The following KLF17 variants were observed in gnomAD, a reference collection of about 807,000 sequenced individuals.
KLF17 encodes the protein Krueppel-like factor 17.
In KLF17, 31 loss-of-function variants were observed where a neutral mutation model predicts 34.2. That is an observed-to-expected ratio of 0.91 (90% CI 0.68 to 1.22). The LOEUF is 1.22. Ranked by LOEUF, KLF17 falls within the 50% of genes most tolerant of loss-of-function variation. The pLI, the probability that KLF17 is intolerant of heterozygous loss-of-function variation, is 0.00. For synonymous variants in KLF17, 179 were observed against 186.7 expected, an observed-to-expected ratio of 0.96 and a Z score of 0.34; for missense variants, 478 against 505.2, an observed-to-expected ratio of 0.95 and a Z score of 0.52.
At chr1:44,098,266 G>C in the KLF17 span, among the ~76,000 whole-genome samples, 1 of 152,112 alleles carries the variant, frequency 6.6e-6, no homozygotes, top group African/African-American at 2.4e-5. Context: ...GCTCATAATA[G>C]TCTCTAATGA....
intron 3 of KLF17, among the ~76,000 whole-genome samples, chr1:44,132,119 A>G (rs927562875): frequency 2.6e-5 from 4 of 152,050 alleles, no homozygotes; most frequent in Non-Finnish European, 5.9e-5. Flanking sequence ...TAGCCTGGCT[A>G]ATATGGTGAA....
At chr1:44,064,114 C>G in the KLF17 span, among the ~76,000 whole-genome samples, 1 of 151,754 alleles carries the variant, frequency 6.6e-6, no homozygotes, top group Non-Finnish European at 1.5e-5. Flanking sequence ...GCACTTCAGC[C>G]AAATGAAAAA....
intron 1 of KLF17, among the ~76,000 whole-genome samples, chr1:44,121,626 A>C (rs945131571): frequency 6.6e-6 from 1 of 152,152 alleles, no homozygotes; most frequent in Non-Finnish European, 1.5e-5. Context: ...TGTCTTATAG[A>C]ATGTTCCTTT....
chr1:44,119,354 A>G (rs1198779119), intron 1 of KLF17, among the ~76,000 whole-genome samples: 1 of 151,254 alleles, frequency 6.6e-6, no homozygotes, highest in African/African-American at 2.4e-5. Context: ...GAGGGACTTG[A>G]GTAGGCAGGA....
At chr1:44,107,212 CT>C in the KLF17 span, 1 of 152,312 alleles carries the variant, frequency 6.6e-6, no homozygotes, top group African/African-American at 2.4e-5. Flanking sequence ...TCAAGCAATT[CT>C]CCTGCCTCAG....
the KLF17 span, chr1:44,103,790 A>C: frequency 1.1e-6 from 1 of 933,164 alleles, no homozygotes; most frequent in Non-Finnish European, 1.8e-6. Context: ...CCTCCAGGGA[A>C]GCCCTCTGGC....
At chr1:44,050,686 G>T in the KLF17 span, among the ~76,000 whole-genome samples, 2 of 152,138 alleles carry the variant, frequency 1.3e-5, no homozygotes, top group Non-Finnish European at 2.9e-5. Context: ...GGAAGCCAAG[G>T]TGGGCAGATC....
the KLF17 span, among the ~76,000 whole-genome samples, chr1:44,096,725 T>A: frequency 5.9e-5 from 9 of 152,102 alleles, no homozygotes; most frequent in South Asian, 2.1e-4. Context: ...AAAATTTTTT[T>A]AATTTTTAAA....
chr1:44,065,017 G>A, the KLF17 span, among the ~76,000 whole-genome samples: 2 of 152,182 alleles, frequency 1.3e-5, no homozygotes, highest in African/African-American at 4.8e-5. Context: ...GGCTGGGCGT[G>A]GTGGCTCACG....
the KLF17 span, among the ~76,000 whole-genome samples, chr1:44,095,426 G>A: frequency 8.6e-5 from 13 of 150,322 alleles, no homozygotes; most frequent in African/African-American, 3.2e-4. Flanking sequence ...TGTTGGTCAA[G>A]CTGGTCTTGA....
upstream of KLF17, chr1:44,114,467 A>G (rs2087862473): frequency 6.6e-6 from 1 of 152,248 alleles, no homozygotes; most frequent in Non-Finnish European, 1.5e-5. Flanking sequence ...GGGTGCAGCA[A>G]AGGCTTCCTG....
chr1:44,063,328 T>C, the KLF17 span, among the ~76,000 whole-genome samples: 2 of 152,186 alleles, frequency 1.3e-5, no homozygotes, highest in African/African-American at 4.8e-5. Flanking sequence ...GCAGTATATG[T>C]ATTTAAAGTT....
At chr1:44,090,128 C>CAAA in the KLF17 span, among the ~76,000 whole-genome samples, 2 of 89,648 alleles carry the variant, frequency 2.2e-5, no homozygotes, top group African/African-American at 4.1e-5. Context: ...GACTCTGTCT[C>CAAA]AAAAAAAAAA....
At chr1:44,097,355 T>C in the KLF17 span, among the ~76,000 whole-genome samples, 2 of 152,194 alleles carry the variant, frequency 1.3e-5, no homozygotes, top group Non-Finnish European at 2.9e-5. Flanking sequence ...CGGGCTCTTT[T>C]TTGGTTCCAT....
chr1:44,114,316 G>A (rs887153731), upstream of KLF17: 1 of 152,168 alleles, frequency 6.6e-6, no homozygotes, highest in Non-Finnish European at 1.5e-5. Context: ...CCCAGACCTT[G>A]AGTCCAGACT....
At chr1:44,103,726 C>A in the KLF17 span, 3 of 1,449,596 alleles carry the variant, frequency 2.1e-6, no homozygotes, top group Admixed American at 5.1e-5. Context: ...GACAGCTTGG[C>A]GTTGGCACCC....
chr1:44,125,625 A>G (rs2087998598), intron 1 of KLF17, among the ~76,000 whole-genome samples: 1 of 151,934 alleles, frequency 6.6e-6, no homozygotes, highest in Non-Finnish European at 1.5e-5. Flanking sequence ...CCGCCACCAC[A>G]CCTGGCTAAT....
Position 44,129,453 on chromosome 1 carries a change from T to C in KLF17, c.182T>C (p.Phe61Ser). ...WNQGLPSIQH[F>S]PHSAEMLGSP... The stretch of plus-strand genomic sequence containing the variant: ...CAAGGCCTACCAAGCATTCAGCACT[T>C]TCCTCACAGCGCAGAGATGCTGGGG... Residue 61 changes from phenylalanine (F) to serine (S), a missense_variant, in exon 2 of 4, where the codon TTT becomes TCT. Physicochemically the swap from Phe to Ser is radical, Grantham distance 155. Coordinates refer to ENST00000372299, the MANE Select transcript of KLF17 (RefSeq NM_173484.4). 1 of 1,605,280 alleles carries C rather than the reference T, an allele frequency of 6.2e-7. No homozygotes were observed.
intron 1 of KLF17, among the ~76,000 whole-genome samples, chr1:44,120,364 G>A (rs1026949119): frequency 2.1e-4 from 32 of 152,254 alleles, no homozygotes; most frequent in African/African-American, 7.7e-4. Flanking sequence ...TGCCCAGAGA[G>A]AGCAGGGAAA....
Sources: allele counts gnomAD v4.1 joint callset (sites outside exome capture counted in the v4.1 genomes callset), GRCh38; gene constraint gnomAD v4.1.1; transcripts MANE v1.5; gene names NCBI Gene and HGNC (gene_info 2026-07-23, HGNC 2026-07-21).